UTRN: variants seen among roughly 807,000 people sequenced by gnomAD.
UTRN encodes dystrophin-related protein 1.
UTRN carries 283 observed loss-of-function variants against 463.9 expected under a neutral mutation model. That is an observed-to-expected ratio of 0.61 (90% CI 0.55 to 0.67). The LOEUF is 0.67. UTRN is among the 30% of genes least tolerant of loss of function. UTRN has a pLI of 0.00. For synonymous variants in UTRN, 1,442 were observed against 1,431.5 expected (o/e 1.01, Z -0.17); for missense variants, 3,922 against 4,084.3 (o/e 0.96, Z 1.08).
chr6:144,472,800 G>A (rs557009580), intron 23 of UTRN, among the ~76,000 whole-genome samples: 1 of 146,274 alleles, frequency 6.8e-6, no homozygotes, highest in Admixed American at 6.9e-5. Context: ...ACAGAGTCTT[G>A]CTCTGTCGCC....
At chr6:144,344,296 G>A (rs1255765830) in intron 2 of UTRN, 25 of 1,303,920 alleles carry the variant, frequency 1.9e-5, no homozygotes, top group Non-Finnish European at 2.4e-5. Context: ...GCTTGCAAGC[G>A]ATTACCAGGT....
chr6:144,609,995 A>G (rs2204660), intron 51 of UTRN, among the ~76,000 whole-genome samples: 3,262 of 152,224 alleles, frequency 0.021, 110 homozygotes, highest in African/African-American at 0.073. Context: ...TCATGAATAA[A>G]CAATCTAATG....
At chr6:144,787,422 A>G (rs1277066743) in intron 61 of UTRN, among the ~76,000 whole-genome samples, 1 of 152,222 alleles carries the variant, frequency 6.6e-6, no homozygotes, top group Non-Finnish European at 1.5e-5. Context: ...TAGTCACTTC[A>G]TAGGTTAATT....
At chr6:144,783,349 C>T (rs1025251517) in intron 61 of UTRN, among the ~76,000 whole-genome samples, 1 of 152,136 alleles carries the variant, frequency 6.6e-6, no homozygotes, top group African/African-American at 2.4e-5. Flanking sequence ...TGCACACATT[C>T]AGGAGCTGAT....
chr6:144,662,325 A>C lies in UTRN; in HGVS notation c.7480-16081A>C, dbSNP rs114371057. On this transcript the variant is annotated intron_variant, in intron 51 of 74. Transcript: ENST00000367545. ...AAGTATCAGTACCTCACACGTCTCA[A>C]ATACAACTAACCACCTTCCCCCAAC... Among the ~76,000 whole-genome samples the C allele has an allele frequency of 2.0e-5, 3 of 152,176 alleles. No individual in the cohort carries two copies. The South Asian group carries it at 6.2e-4, about 32-fold the overall frequency.
At chr6:144,635,363 C>T (rs1777008531) in intron 51 of UTRN, among the ~76,000 whole-genome samples, 1 of 151,712 alleles carries the variant, frequency 6.6e-6, no homozygotes, top group African/African-American at 2.4e-5. Flanking sequence ...ATTACCAAGG[C>T]TGCTCTCCAA....
In UTRN at chr6:144,321,461, C is replaced by CTT. The variant is rs529134208; in HGVS notation, c.79+29579_79+29580dup. 2.8e-3 allele frequency among the ~76,000 whole-genome samples: 277 copies of CTT among 100,460 alleles called. 11 individuals are homozygous for CTT. Among genetic ancestry groups the CTT allele is most frequent in the Admixed American group, 4.5e-3 (39 of 8,632 alleles). The allele number at this position is 100,460 out of a possible 152,430, so 65.9% of individuals were successfully genotyped here. A position where few individuals can be genotyped will look rare whatever the true frequency, so the allele number is the denominator to read the frequency against. The stretch of plus-strand genomic sequence containing the variant: ...TTAAACCCAAGTAGCTGTGCCATAT[C>CTT]TTTTTTTTTTTTTTTTTTTTTTTTT... On this transcript the variant is annotated intron_variant, in intron 2 of 74. Coordinates refer to ENST00000367545, the MANE Select transcript of UTRN (RefSeq NM_007124.3).
chr6:144,347,192 TAGATGGAAGGGTTAAA>T (rs1312589268), intron 2 of UTRN, among the ~76,000 whole-genome samples: 2 of 152,176 alleles, frequency 1.3e-5, no homozygotes, highest in Admixed American at 1.3e-4. Context: ...GTTTCCTTTT[TAGATGGAAGGGTTAAA>T]AGATTCACTA....
intron 12 of UTRN, 22 bp from the exon 13 acceptor site, chr6:144,440,330 T>G: frequency 6.2e-7 from 1 of 1,613,640 alleles, no homozygotes; most frequent in Non-Finnish European, 8.5e-7. Context: ...AAATAATGGT[T>G]TATCTTAATT....
intron 2 of UTRN, among the ~76,000 whole-genome samples, chr6:144,329,762 C>T (rs1776212559): frequency 6.6e-6 from 1 of 152,176 alleles, no homozygotes; most frequent in Non-Finnish European, 1.5e-5. Flanking sequence ...GTAATAACCC[C>T]TGATAAAGAT....
chr6:144,353,099 C>A (rs902244599), intron 2 of UTRN, among the ~76,000 whole-genome samples: 1 of 151,904 alleles, frequency 6.6e-6, no homozygotes, highest in African/African-American at 2.4e-5. Context: ...TGTGCCACCA[C>A]GCTCAGCTCA....
rs1235402849 is a variant in UTRN, at chr6:144,771,922, C to G, written c.8511C>G (p.Thr2837=). The G allele has an allele frequency of 3.1e-6, 5 of 1,591,100 alleles. No individual in the cohort carries two copies. In the African/African-American group the frequency reaches 6.9e-5, roughly 22 times the overall value. Residue 2837 remains threonine, a synonymous_variant, in exon 59 of 75, where the codon ACC becomes ACG. Coordinates refer to ENST00000367545, the MANE Select transcript of UTRN (RefSeq NM_007124.3). ...TTTTTTCCAGCCATCAAACACAGAC[C>G]ACCTGTTGGGACCATCCTAAAATGA... ...VPYYINHQTQ[T]TCWDHPKMTE... is the part of the protein sequence containing the mutation.
Position 144,485,288 on chromosome 6 carries a change from C to T in UTRN, c.3688-97C>T, listed in dbSNP as rs1467227413. The T allele has an allele frequency of 2.6e-6, 4 of 1,511,880 alleles. No individual in the cohort carries two copies. The Admixed American group carries it at 7.7e-5, about 29-fold the overall frequency. The allele number at this position is 1,511,880 out of a possible 1,614,324, so 93.7% of individuals were successfully genotyped here. On this transcript the variant is annotated intron_variant, in intron 27 of 74. Transcript: ENST00000367545. ...TCTGAATTCCTAGGTATACTCACAT[C>T]CAAATGAAATTATTAGCGATTAAAG...
intron 2 of UTRN, among the ~76,000 whole-genome samples, chr6:144,357,555 C>T (rs73780539): frequency 6.6e-6 from 1 of 152,134 alleles, no homozygotes; most frequent in Non-Finnish European, 1.5e-5. Context: ...TCTATGGTAT[C>T]CATTTTCCTA....
chr6:144,614,211 G>A (rs2128644143), intron 51 of UTRN, among the ~76,000 whole-genome samples: 1 of 152,226 alleles, frequency 6.6e-6, no homozygotes, highest in East Asian at 1.9e-4. Context: ...CTGTGGGGAG[G>A]TGTTGAATGA....
chr6:144,491,427 C>G (rs1256072532), intron 32 of UTRN, among the ~76,000 whole-genome samples: 1 of 152,028 alleles, frequency 6.6e-6, no homozygotes, highest in Non-Finnish European at 1.5e-5. Context: ...GCAAAGTTTT[C>G]AAGGATAAAT....
At chr6:144,709,188 A>C (rs1785402723) in intron 53 of UTRN, among the ~76,000 whole-genome samples, 1 of 152,146 alleles carries the variant, frequency 6.6e-6, no homozygotes, top group Admixed American at 6.6e-5. Context: ...GTACCCATTT[A>C]TTTCCAATCT....
intron 2 of UTRN, among the ~76,000 whole-genome samples, chr6:144,361,837 CTTAA>C: frequency 6.7e-6 from 1 of 149,126 alleles, no homozygotes; most frequent in South Asian, 2.1e-4. Context: ...AACTCCTGGG[CTTAA>C]GTGATCCTCC....
At chr6:144,493,860 A>G (rs1331863784) in intron 33 of UTRN, among the ~76,000 whole-genome samples, 1 of 152,136 alleles carries the variant, frequency 6.6e-6, no homozygotes, top group Non-Finnish European at 1.5e-5. Context: ...AAAAAAAATT[A>G]GCCATGGTGG....
Sources: gnomAD v4.1 joint callset for allele counts (sites outside exome capture counted in the v4.1 genomes callset) on GRCh38, gnomAD v4.1.1 for gene constraint, MANE v1.5 for transcripts, NCBI Gene and HGNC (gene_info 2026-07-23, HGNC 2026-07-21) for gene names.